ZEB1: variants seen among roughly 807,000 people sequenced by gnomAD.
The protein encoded by ZEB1 is zinc finger E-box-binding homeobox 1.
ZEB1 carries 21 observed loss-of-function variants against 84.9 expected under a neutral mutation model. The observed-to-expected ratio is 0.25, with a 90% CI of 0.18 to 0.36. The LOEUF (loss-of-function observed/expected upper bound fraction) is 0.36. Among genes scored for constraint, ZEB1 ranks in the 10% least tolerant of loss-of-function variants. The pLI is 1.00. For missense variants in ZEB1, 1,104 were observed against 1,330.2 expected, an observed-to-expected ratio of 0.83 and a Z score of 2.65; for synonymous variants, 420 against 471.1, an observed-to-expected ratio of 0.89 and a Z score of 1.41.
At chr10:31,476,498 G>A (rs2064211709) in intron 2 of ZEB1, among the ~76,000 whole-genome samples, 1 of 151,872 alleles carries the variant, frequency 6.6e-6, no homozygotes, top group Admixed American at 6.6e-5. Context: ...AAAAGCCCAG[G>A]ACCAGAGAGA....
intron 1 of ZEB1, among the ~76,000 whole-genome samples, chr10:31,394,755 AT>A (rs2050388219): frequency 6.6e-6 from 1 of 152,172 alleles, no homozygotes. Context: ...TGTACTACAG[AT>A]TTGCATTTTT....
intron 1 of ZEB1, 75 bp from the exon 2 acceptor site, chr10:31,460,962 T>C (rs2061738047): frequency 1.7e-6 from 2 of 1,189,144 alleles, no homozygotes; most frequent in African/African-American, 3.0e-5. Context: ...AAGCATCTTT[T>C]TTATTTTTCT....
At chr10:31,460,502 A>G (rs769717555) in intron 1 of ZEB1, among the ~76,000 whole-genome samples, 7 of 152,114 alleles carry the variant, frequency 4.6e-5, no homozygotes, top group Non-Finnish European at 7.4e-5. Context: ...CTCTTTTCTT[A>G]AGTTGCAATC....
At chr10:31,399,824 A>G (rs1223462983) in intron 1 of ZEB1, among the ~76,000 whole-genome samples, 1 of 152,174 alleles carries the variant, frequency 6.6e-6, no homozygotes, top group Non-Finnish European at 1.5e-5. Flanking sequence ...GCCACTGCCA[A>G]CCACTCCTGC....
At chr10:31,350,003 C>CA (rs1258661564) in intron 1 of ZEB1, among the ~76,000 whole-genome samples, 3 of 152,070 alleles carry the variant, frequency 2.0e-5, no homozygotes, top group African/African-American at 7.2e-5. Context: ...ATACCAGTGT[C>CA]AGAGAGCTTT....
chr10:31,437,226 A>G lies in ZEB1; in HGVS notation c.59-23811A>G, dbSNP rs143827811. On this transcript the variant is annotated intron_variant, in intron 1 of 8. Transcript: ENST00000424869. ...ATCACTTTTAATTTAGCATTTAATTATGTACTATGACATTTCTCTATATAA... is the reference window on the plus strand; with the variant it reads ...ATCACTTTTAATTTAGCATTTAATTGTGTACTATGACATTTCTCTATATAA... Among the ~76,000 whole-genome samples, 659 of 152,288 alleles carry G rather than the reference A, an allele frequency of 4.3e-3. 3 individuals carry two copies. The highest frequency in any genetic ancestry group is 8.5e-3 in the South Asian group (41 of 4,830).
At chr10:31,399,540 C>T (rs1415667538) in intron 1 of ZEB1, among the ~76,000 whole-genome samples, 1 of 152,182 alleles carries the variant, frequency 6.6e-6, no homozygotes, top group Non-Finnish European at 1.5e-5. Flanking sequence ...TGCTTACCAT[C>T]TCTACTCCTA....
chr10:31,463,185 A>G (rs1397568732), intron 2 of ZEB1, among the ~76,000 whole-genome samples: 2 of 152,146 alleles, frequency 1.3e-5, no homozygotes, highest in African/African-American at 2.4e-5. Context: ...GTCTGGGGAA[A>G]AAAGGGGGCA....
chr10:31,437,122 A>G (rs543613975), intron 1 of ZEB1, among the ~76,000 whole-genome samples: 1 of 152,300 alleles, frequency 6.6e-6, no homozygotes, highest in East Asian at 1.9e-4. Context: ...ACTCAATTTT[A>G]CCTCTGTTGC....
intron 1 of ZEB1, among the ~76,000 whole-genome samples, chr10:31,377,725 A>G (rs1436600352): frequency 3.3e-5 from 5 of 151,834 alleles, no homozygotes; most frequent in Non-Finnish European, 1.5e-5. Flanking sequence ...CAAGGGAAAC[A>G]TGAAATTCCT....
intron 2 of ZEB1, among the ~76,000 whole-genome samples, chr10:31,470,906 A>T (rs1270637169): frequency 1.3e-4 from 18 of 139,486 alleles, no homozygotes; most frequent in African/African-American, 4.1e-4. Context: ...GGGGGCCAAT[A>T]TTCAACATTC....
chr10:31,446,933 T>C (rs1388583558), intron 1 of ZEB1, among the ~76,000 whole-genome samples: 1 of 152,194 alleles, frequency 6.6e-6, no homozygotes, highest in Non-Finnish European at 1.5e-5. Flanking sequence ...TTAGGTCTGC[T>C]TGGTTCAGAG....
chr10:31,502,993 C>T (rs912778474), intron 4 of ZEB1, among the ~76,000 whole-genome samples: 1 of 152,034 alleles, frequency 6.6e-6, no homozygotes, highest in Non-Finnish European at 1.5e-5. Context: ...TTCAGACTCT[C>T]CTGAGAAGAA....
chr10:31,362,848 C>T (rs1204856220), intron 1 of ZEB1: 2 of 1,138,690 alleles, frequency 1.8e-6, no homozygotes, highest in Non-Finnish European at 2.5e-6. Flanking sequence ...CTTTCTCCTC[C>T]TAAGCAACTG....
At chr10:31,327,058 G>A (rs913886839) in intron 1 of ZEB1, among the ~76,000 whole-genome samples, 2 of 147,132 alleles carry the variant, frequency 1.4e-5, no homozygotes, top group Admixed American at 1.3e-4. Flanking sequence ...TGCTATAAGT[G>A]CTACTTTGCT....
At chr10:31,345,501 TC>T (rs1464169812) in intron 1 of ZEB1, among the ~76,000 whole-genome samples, 1 of 152,046 alleles carries the variant, frequency 6.6e-6, no homozygotes, top group Non-Finnish European at 1.5e-5. Flanking sequence ...TAAAACTACT[TC>T]CCAGAAGCCT....
chr10:31,456,718 T>C (rs1296499850), intron 1 of ZEB1, among the ~76,000 whole-genome samples: 1 of 152,112 alleles, frequency 6.6e-6, no homozygotes, highest in Non-Finnish European at 1.5e-5. Flanking sequence ...CTGTTTTTCT[T>C]TGTCTGTCAG....
At chr10:31,449,871 C>T (rs1037085423) in intron 1 of ZEB1, among the ~76,000 whole-genome samples, 1 of 152,114 alleles carries the variant, frequency 6.6e-6, no homozygotes, top group Non-Finnish European at 1.5e-5. Flanking sequence ...TGCATATATA[C>T]CTATTTTCAT....
intron 1 of ZEB1, among the ~76,000 whole-genome samples, chr10:31,348,904 A>G (rs1239027961): frequency 1.3e-5 from 2 of 152,340 alleles, no homozygotes; most frequent in East Asian, 3.9e-4. Context: ...AAGCTAATTA[A>G]CATATGCATT....
Sources: allele counts gnomAD v4.1 joint callset (sites outside exome capture counted in the v4.1 genomes callset), GRCh38; gene constraint gnomAD v4.1.1; transcripts MANE v1.5; gene names NCBI Gene and HGNC (gene_info 2026-07-23, HGNC 2026-07-21).